Variants in DCP1B observed in about 807,000 individuals in gnomAD.
DCP1B encodes the protein mRNA-decapping enzyme 1B.
In DCP1B, 47 loss-of-function variants were observed where a neutral mutation model predicts 60.5. The observed-to-expected ratio is 0.78, with a 90% CI of 0.61 to 0.99. The LOEUF is 0.99. Among genes scored for constraint, DCP1B ranks in the 50% least tolerant of loss-of-function variants. The pLI, the probability that DCP1B is intolerant of heterozygous loss-of-function variation, is 0.00. For missense variants in DCP1B, 725 were observed against 756.8 expected (o/e 0.96, Z 0.49); for synonymous variants, 267 against 280.3 (o/e 0.95, Z 0.47).
chr12:2,004,002 C>G (rs2042786166), intron 1 of DCP1B, among the ~76,000 whole-genome samples: 1 of 152,186 alleles, frequency 6.6e-6, no homozygotes, highest in Non-Finnish European at 1.5e-5. Flanking sequence ...TCCTTTCCTT[C>G]GGCTCTTATG....
intron 3 of DCP1B, among the ~76,000 whole-genome samples, chr12:1,990,961 C>T (rs1414918298): frequency 7.5e-6 from 1 of 133,650 alleles, no homozygotes; most frequent in African/African-American, 2.9e-5. Context: ...GGTGCAAAGG[C>T]AATCAGTATC....
intron 1 of DCP1B, among the ~76,000 whole-genome samples, chr12:2,001,875 T>C (rs1196290955): frequency 6.6e-6 from 1 of 152,052 alleles, no homozygotes; most frequent in Non-Finnish European, 1.5e-5. Flanking sequence ...ACCAAAAACG[T>C]CTCCAGACAC....
downstream of DCP1B, among the ~76,000 whole-genome samples, chr12:1,943,936 C>A (rs1274558312): frequency 1.3e-5 from 2 of 152,144 alleles, no homozygotes; most frequent in Non-Finnish European, 2.9e-5. Context: ...GAAGTTCTGG[C>A]CAGGGCAATC....
At chr12:1,988,620 A>G (rs1447603768) in intron 3 of DCP1B, among the ~76,000 whole-genome samples, 1 of 152,108 alleles carries the variant, frequency 6.6e-6, no homozygotes, top group Non-Finnish European at 1.5e-5. Flanking sequence ...CTTTGGGTTT[A>G]TGTCTTTTTA....
chr12:1,990,116 C>T (rs2038977313), intron 3 of DCP1B, among the ~76,000 whole-genome samples: 1 of 152,162 alleles, frequency 6.6e-6, no homozygotes, highest in South Asian at 2.1e-4. Context: ...GTGGTGTTTC[C>T]ATCTCAAAAT....
At chr12:1,979,905 A>T (rs1342639212) in intron 3 of DCP1B, among the ~76,000 whole-genome samples, 2 of 152,208 alleles carry the variant, frequency 1.3e-5, no homozygotes, top group Non-Finnish European at 2.9e-5. Context: ...GTTATGGTAA[A>T]ATGCAAATTA....
At chr12:2,001,944 T>C (rs2154479317) in intron 1 of DCP1B, among the ~76,000 whole-genome samples, 1 of 152,328 alleles carries the variant, frequency 6.6e-6, no homozygotes, top group East Asian at 1.9e-4. Context: ...GTCTAAGGAC[T>C]GACAGCTGGA....
At chr12:1,966,672 T>C (rs2031305823) in intron 4 of DCP1B, among the ~76,000 whole-genome samples, 1 of 152,238 alleles carries the variant, frequency 6.6e-6, no homozygotes, top group Admixed American at 6.5e-5. Flanking sequence ...TTTTTTAATC[T>C]GTATGAAATC....
At chr12:1,951,535 A>G (rs2030669501) in intron 7 of DCP1B, among the ~76,000 whole-genome samples, 1 of 152,096 alleles carries the variant, frequency 6.6e-6, no homozygotes, top group Admixed American at 6.5e-5. Flanking sequence ...CTTTCTAAAA[A>G]CTGTCATATT....
rs143048228 is a variant in DCP1B at position 1,974,540 on chromosome 12, G to A, written c.320-6630C>T. On this transcript the variant is annotated intron_variant, in intron 3 of 8. Coordinates refer to ENST00000280665, the MANE Select transcript of DCP1B (RefSeq NM_152640.5). ...TACCATTCTTCCTGATTGACTACTT[G>A]TTAGGCACTGGCAACTAAGAGCTCA... 3.5e-4 allele frequency among the ~76,000 whole-genome samples: 53 copies of A among 152,194 alleles called. No homozygotes were observed. In the East Asian group the frequency reaches 7.5e-3, roughly 22 times the overall value.
chr12:1,964,434 T>C (rs2031227483), intron 5 of DCP1B, among the ~76,000 whole-genome samples: 1 of 152,178 alleles, frequency 6.6e-6, no homozygotes. Flanking sequence ...TGTAAAATGT[T>C]TTTTATTTTT....
At chr12:1,958,792 G>A (rs1223904192) in intron 5 of DCP1B, among the ~76,000 whole-genome samples, 1 of 127,500 alleles carries the variant, frequency 7.8e-6, no homozygotes, top group African/African-American at 3.1e-5. Context: ...GTCGCTCTGG[G>A]CAATGGCTTT....
At chr12:2,002,961 G>A (rs2042528438) in intron 1 of DCP1B, among the ~76,000 whole-genome samples, 1 of 152,080 alleles carries the variant, frequency 6.6e-6, no homozygotes, top group African/African-American at 2.4e-5. Context: ...AAACTAGGGG[G>A]AAATAACCTC....
intron 3 of DCP1B, among the ~76,000 whole-genome samples, chr12:1,980,139 C>T (rs1484696164): frequency 6.6e-6 from 1 of 152,132 alleles, no homozygotes; most frequent in African/African-American, 2.4e-5. Flanking sequence ...GATAGGCATA[C>T]ATATCCACCT....
In DCP1B at chr12:1,962,602, T is replaced by C. The variant is rs917541347; in HGVS notation, c.522+2956A>G. Among the ~76,000 whole-genome samples the C allele has an allele frequency of 6.6e-6, 1 of 152,170 alleles. No homozygotes were observed. The highest frequency in any genetic ancestry group is 2.4e-5 in the African/African-American group (1 of 41,436). ...ATAATATAGTATAATTAATAAAGTA[T>C]AACTAATTATTCAACTAGTTGCCAA... On this transcript the variant is annotated intron_variant, in intron 5 of 8. Transcript: ENST00000280665. The surrounding 1 kb of genome is among the most constrained non-coding windows in gnomAD (Gnocchi z 4.4).
chr12:1,991,423 G>A (rs2039386429), intron 3 of DCP1B: 1 of 206,436 alleles, frequency 4.8e-6, no homozygotes, highest in South Asian at 6.8e-5. Context: ...AGCCACATCT[G>A]TTATTTTAAA....
rs1307649717 is a variant in DCP1B, at chr12:1,993,340, T to A, written c.243A>T (p.Glu81Asp). 6.2e-7 allele frequency: 1 copy of A among 1,614,146 alleles called. No homozygotes were observed. Among genetic ancestry groups the A allele is most frequent in the Non-Finnish European group, 8.5e-7 (1 of 1,179,970 alleles). The change falls in exon 3 of 9, where the codon GAA (glutamate) becomes GAT (aspartate). Residue 81 changes from glutamate (E) to aspartate (D), a missense_variant. Coordinates refer to ENST00000280665, the MANE Select transcript of DCP1B (RefSeq NM_152640.5). ...GFTIMNRLSM[E>D]NRTEPITKDL... ...CTTTAGTAATAGGTTCTGTCCTATTTTCCATGCTCAGCCTATTCATAATGG... is the reference window on the plus strand; with the variant it reads ...CTTTAGTAATAGGTTCTGTCCTATTATCCATGCTCAGCCTATTCATAATGG...
chr12:1,942,469 C>T (rs973409256), downstream of DCP1B, among the ~76,000 whole-genome samples: 2 of 152,212 alleles, frequency 1.3e-5, no homozygotes, highest in Non-Finnish European at 2.9e-5. Context: ...ACTCTTCTCT[C>T]CAAATCAACA....
Position 1,952,664 on chromosome 12 carries a change from GT to G in DCP1B, c.1275del (p.Glu425AspfsTer22). 6.2e-7 allele frequency: 1 copy of G among 1,614,134 alleles called. No homozygotes were observed. The highest frequency in any genetic ancestry group is 1.1e-5 in the South Asian group (1 of 91,068). On this transcript the variant is annotated frameshift_variant, in exon 7 of 9. Transcript: ENST00000280665. LOFTEE classifies it high-confidence loss of function. Reference sequence around the variant, plus strand: ...AGTGTTTGTCTTGGGAGTGTGGACTGTTCTCTTCCATGAGCCTGATGTCCTA... The same window carrying G: ...AGTGTTTGTCTTGGGAGTGTGGACTGTCTCTTCCATGAGCCTGATGTCCTA... ...QTVGHQAHGREQSTLPRQTLP... is the reference protein window; with the variant it reads ...QTVGHQAHGRXQSTLPRQTLP...
Sources: gnomAD v4.1 joint callset for allele counts (sites outside exome capture counted in the v4.1 genomes callset) on GRCh38, gnomAD v4.1.1 for gene constraint, Gnocchi (gnomAD v3.1) non-coding constraint, MANE v1.5 for transcripts, NCBI Gene and HGNC (gene_info 2026-07-23, HGNC 2026-07-21) for gene names.